Variants in RAPGEF1 observed in about 807,000 individuals in gnomAD.
RAPGEF1 encodes Rap guanine nucleotide exchange factor 1.
A neutral mutation model predicts 143.3 loss-of-function variants in RAPGEF1; 33 were observed. That is an observed-to-expected ratio of 0.23 (90% CI 0.17 to 0.31). The LOEUF (loss-of-function observed/expected upper bound fraction) is 0.31, where lower values mean the gene tolerates loss of function less well. RAPGEF1 is among the 10% of genes least tolerant of loss of function. RAPGEF1 has a pLI of 1.00. For synonymous variants in RAPGEF1, 629 were observed against 676.5 expected, an observed-to-expected ratio of 0.93 and a Z score of 1.09; for missense variants, 1,199 against 1,645.4, an observed-to-expected ratio of 0.73 and a Z score of 4.69.
chr9:131,612,849 A>G (rs1266068641), intron 12 of RAPGEF1, among the ~76,000 whole-genome samples: 1 of 152,222 alleles, frequency 6.6e-6, no homozygotes. Context: ...CTCTTGAGTC[A>G]GACACAGCAG....
intron 1 of RAPGEF1, among the ~76,000 whole-genome samples, chr9:131,729,494 G>A (rs187014441): frequency 3.3e-4 from 51 of 152,316 alleles, no homozygotes; most frequent in African/African-American, 1.2e-3. Context: ...AGAAACCAGG[G>A]GCTTCTTCAT....
In RAPGEF1 at chr9:131,587,987, C is replaced by T. The variant is rs186725842; in HGVS notation, c.3093G>A (p.Ala1031=). The T allele has an allele frequency of 1.9e-4, 303 of 1,613,230 alleles. 2 individuals are homozygous for T. The East Asian group carries it at 3.6e-3, about 19-fold the overall frequency. ...TLHDFHSHEI[A]EQLTLLDAEL... ...CAGCATCCAGCAGCGTTAGCTGCTC[C>T]GCTATCTCATGGCTGTGAAAGTCGT... Residue 1031 remains alanine (A), a synonymous_variant, in exon 21 of 27, where the codon GCG becomes GCA. Coordinates refer to ENST00000683357, the MANE Select transcript of RAPGEF1 (RefSeq NM_001377935.1).
At chr9:131,680,803 C>T (rs1486579106) in intron 1 of RAPGEF1, among the ~76,000 whole-genome samples, 1 of 152,196 alleles carries the variant, frequency 6.6e-6, no homozygotes, top group East Asian at 1.9e-4. Context: ...TCCCACTTCA[C>T]ACCTCTATAT....
Position 131,604,958 on chromosome 9 carries a change from A to C in RAPGEF1, c.2292T>G (p.Leu764=). ...AGTCAGTGAAAGAGGTTTCGGAAGG[A>C]AGGCAGACAGTATTCCCATGAAAGC... ...ESSFHGNTVC[L]PSETSFTDSS... is the part of the protein sequence containing the mutation. Residue 764 remains leucine, a synonymous_variant, in exon 13 of 27, where the codon CTT becomes CTG. Coordinates refer to ENST00000683357, the MANE Select transcript of RAPGEF1 (RefSeq NM_001377935.1). 1.5e-6 allele frequency: 2 copies of C among 1,311,816 alleles called. No homozygotes were observed. The highest frequency in any genetic ancestry group is 2.0e-6 in the Non-Finnish European group (2 of 993,374). The allele number at this position is 1,311,816 out of a possible 1,614,324, so 81.3% of individuals were successfully genotyped here.
At chr9:131,677,987 C>A (rs560584056) in intron 1 of RAPGEF1, among the ~76,000 whole-genome samples, 1 of 152,362 alleles carries the variant, frequency 6.6e-6, no homozygotes, top group African/African-American at 2.4e-5. Flanking sequence ...AAGCTCTTGT[C>A]TGCACTAGTT....
chr9:131,730,905 T>G (rs1971478), intron 1 of RAPGEF1, among the ~76,000 whole-genome samples: 1 of 151,894 alleles, frequency 6.6e-6, no homozygotes, highest in African/African-American at 2.4e-5. Context: ...TCTGAAGGAA[T>G]CCTCAGGATG....
Position 131,625,982 on chromosome 9 carries a change from G to A in RAPGEF1, c.1642C>T (p.Pro548Ser), listed in dbSNP as rs191870237. The change falls in exon 10 of 27, where the codon CCT (proline) becomes TCT (serine). Residue 548 changes from proline (P) to serine (S), a missense_variant. Pro to Ser is a moderately conservative substitution (Grantham distance 74). Around this residue, in one of 6 missense-constraint regions of RAPGEF1, gnomAD observed 613 missense variants for 710.9 expected, o/e 0.86. Transcript: ENST00000683357. ...PVEFVGDFTAPESTGDPEKPP... is the reference protein window; with the variant it reads ...PVEFVGDFTASESTGDPEKPP... Reference sequence around the variant, plus strand: ...TTTTCTGGGTCACCGGTTGACTCAGGAGCAGTAAAATCACCCACAAATTCG... The same window carrying A: ...TTTTCTGGGTCACCGGTTGACTCAGAAGCAGTAAAATCACCCACAAATTCG... 8.1e-6 allele frequency: 13 copies of A among 1,606,448 alleles called. No homozygotes were observed. In the African/African-American group the frequency reaches 1.6e-4, roughly 20 times the overall value.
Position 131,619,078 on chromosome 9 carries a change from G to A in RAPGEF1, c.2034C>T (p.Ser678=). The change falls in exon 12 of 27, where the codon AGC becomes AGT. Residue 678 remains serine, a synonymous_variant. Coordinates refer to ENST00000683357, the MANE Select transcript of RAPGEF1 (RefSeq NM_001377935.1). The part of the protein sequence containing the change: ...LSVSVSNSFL[S]RHGSLPVPSY... ...AGGGCACGGGCAAGCTGCCGTGCCGGCTGAGAAAGGAGTTAGAGACGGACA... is the reference window on the plus strand; with the variant it reads ...AGGGCACGGGCAAGCTGCCGTGCCGACTGAGAAAGGAGTTAGAGACGGACA... The A allele has an allele frequency of 7.4e-7, 1 of 1,358,702 alleles. No individual in the cohort carries two copies. 84.2% of individuals were successfully genotyped at this position (1,358,702 alleles called of 1,614,324 possible).
intron 5 of RAPGEF1, among the ~76,000 whole-genome samples, chr9:131,638,366 C>G (rs1315514485): frequency 6.6e-6 from 1 of 152,224 alleles, no homozygotes; most frequent in African/African-American, 2.4e-5. Flanking sequence ...AGCTGGCAAG[C>G]ATGCTCAGCC....
rs1337757589 is a variant in RAPGEF1, at chr9:131,578,021, T to C, written c.*1476A>G. ...TTTCTATATTTTTCCTTTGTTCTGT[T>C]TGAACTGGGCTAAGTAAGCACAGTT... On this transcript the variant is annotated 3_prime_UTR_variant, in exon 27 of 27. Coordinates refer to ENST00000683357, the MANE Select transcript of RAPGEF1 (RefSeq NM_001377935.1). 6.6e-6 allele frequency: 1 copy of C among 152,260 alleles called. No homozygotes were observed. Among genetic ancestry groups the C allele is most frequent in the Non-Finnish European group, 1.5e-5 (1 of 68,046 alleles). The allele number at this position is 152,260 out of a possible 1,614,324, so 9.4% of individuals were successfully genotyped here. A position where few individuals can be genotyped will look rare whatever the true frequency, so the allele number is the denominator to read the frequency against.
intron 1 of RAPGEF1, among the ~76,000 whole-genome samples, chr9:131,701,521 A>G (rs565759519): frequency 1.3e-5 from 2 of 152,294 alleles, no homozygotes; most frequent in East Asian, 3.9e-4. Flanking sequence ...ATAGGAAGCC[A>G]CTGGCATTAT....
chr9:131,736,260 C>T (rs1837409074), intron 1 of RAPGEF1, among the ~76,000 whole-genome samples: 1 of 152,142 alleles, frequency 6.6e-6, no homozygotes, highest in Non-Finnish European at 1.5e-5. Flanking sequence ...TACTCCCTAC[C>T]TCCTCGTCAT....
chr9:131,694,652 C>A (rs533263642), intron 1 of RAPGEF1, among the ~76,000 whole-genome samples: 1 of 152,062 alleles, frequency 6.6e-6, no homozygotes, highest in East Asian at 1.9e-4. Context: ...AACTGCTTCA[C>A]CTTCTCAAGA....
chr9:131,623,859 G>A lies in RAPGEF1; in HGVS notation c.1703-1861C>T, dbSNP rs1045595947. Among the ~76,000 whole-genome samples, 12 of 152,272 alleles carry A rather than the reference G, an allele frequency of 7.9e-5. 1 individual carries two copies. The highest frequency in any genetic ancestry group is 2.4e-4 in the African/African-American group (10 of 41,552). On this transcript the variant is annotated intron_variant, in intron 10 of 26. Coordinates refer to ENST00000683357, the MANE Select transcript of RAPGEF1 (RefSeq NM_001377935.1). ...TGAGCGTGCATGAACTCAGGCCAGC[G>A]TTAGCCACGCGGCCAGGGTGATGAT...
chr9:131,736,022 C>T (rs1461623298), intron 1 of RAPGEF1, among the ~76,000 whole-genome samples: 1 of 152,202 alleles, frequency 6.6e-6, no homozygotes, highest in Non-Finnish European at 1.5e-5. Context: ...ACTCTCCTCG[C>T]TCAATGTCTT....
intron 1 of RAPGEF1, among the ~76,000 whole-genome samples, chr9:131,718,622 C>T (rs1215035162): frequency 6.6e-6 from 1 of 152,138 alleles, no homozygotes; most frequent in African/African-American, 2.4e-5. Context: ...CAAGGACACC[C>T]TCATTGTTTT....
rs535969121 is a variant in RAPGEF1, at chr9:131,720,414, C to A, written c.61+19356G>T. 2.2e-4 allele frequency among the ~76,000 whole-genome samples: 34 copies of A among 152,198 alleles called. No homozygotes were observed. The South Asian group carries it at 5.4e-3, about 24-fold the overall frequency. Reference sequence around the variant, plus strand: ...ACTTTGAGTGGTGGTTCCAAAGATACCCCCCACCTCTACCAGCAGTGTCAC... The same window carrying A: ...ACTTTGAGTGGTGGTTCCAAAGATAACCCCCACCTCTACCAGCAGTGTCAC... On this transcript the variant is annotated intron_variant, in intron 1 of 26. Coordinates refer to ENST00000683357, the MANE Select transcript of RAPGEF1 (RefSeq NM_001377935.1).
intron 1 of RAPGEF1, among the ~76,000 whole-genome samples, chr9:131,653,236 T>C (rs563347246): frequency 1.3e-5 from 2 of 152,220 alleles, no homozygotes; most frequent in Non-Finnish European, 2.9e-5. Context: ...CTTCAAATCA[T>C]CTATAGGTTA....
At chr9:131,622,626 A>G (rs1961505116) in intron 10 of RAPGEF1, among the ~76,000 whole-genome samples, 1 of 152,228 alleles carries the variant, frequency 6.6e-6, no homozygotes, top group African/African-American at 2.4e-5. Context: ...ATTTAAAAGA[A>G]TATGTAAGAA....
Sources: allele counts gnomAD v4.1 joint callset (sites outside exome capture counted in the v4.1 genomes callset), GRCh38; gene constraint gnomAD v4.1.1; regional missense constraint gnomAD v4.1.1; transcripts MANE v1.5; gene names NCBI Gene and HGNC (gene_info 2026-07-23, HGNC 2026-07-21).